The following SGCZ variants were observed in gnomAD, a reference collection of about 807,000 sequenced individuals.
SGCZ encodes sarcoglycan zeta, also known as zeta-sarcoglycan.
SGCZ carries 40 observed loss-of-function variants against 41.3 expected under a neutral mutation model. That is an observed-to-expected ratio of 0.97 (90% CI 0.75 to 1.26). SGCZ has a LOEUF of 1.26. Among genes scored for constraint, SGCZ ranks in the 50% most tolerant of loss-of-function variants. SGCZ has a pLI of 0.00. For synonymous variants in SGCZ, 206 were observed against 137.5 expected (o/e 1.50, Z -3.49); for missense variants, 552 against 369.8 (o/e 1.49, Z -4.04).
chr8:14,990,072 A>G (rs1485816469), intron 1 of SGCZ, among the ~76,000 whole-genome samples: 1 of 152,186 alleles, frequency 6.6e-6, no homozygotes, highest in East Asian at 1.9e-4. Flanking sequence ...TTACCCTCCC[A>G]GTGCTAACCC....
At chr8:14,522,558 C>G (rs925996145) in intron 2 of SGCZ, among the ~76,000 whole-genome samples, 2 of 151,714 alleles carry the variant, frequency 1.3e-5, no homozygotes, top group Non-Finnish European at 2.9e-5. Flanking sequence ...TCTGCAGAGC[C>G]CAGGGTGATA....
intron 2 of SGCZ, among the ~76,000 whole-genome samples, chr8:14,386,126 C>G (rs775739550): frequency 2.0e-5 from 3 of 151,596 alleles, no homozygotes; most frequent in Non-Finnish European, 4.4e-5. Context: ...ATGCAGAATC[C>G]ACAAATACAG....
At chr8:14,127,458 A>G (rs1802897169) in intron 5 of SGCZ, among the ~76,000 whole-genome samples, 2 of 151,730 alleles carry the variant, frequency 1.3e-5, no homozygotes, top group Non-Finnish European at 2.9e-5. Flanking sequence ...TTTTATTTCT[A>G]TTTATTTATT....
intron 1 of SGCZ, among the ~76,000 whole-genome samples, chr8:14,783,263 G>A (rs1282606829): frequency 1.3e-5 from 2 of 152,254 alleles, no homozygotes; most frequent in Admixed American, 6.5e-5. Flanking sequence ...GCGAAAGCCA[G>A]TATCTACTGA....
chr8:14,774,064 C>T (rs35582257), intron 1 of SGCZ, among the ~76,000 whole-genome samples: 53,309 of 151,888 alleles, frequency 0.35, 11,174 homozygotes, highest in East Asian at 0.5. Flanking sequence ...TGTTTTTGCA[C>T]GGGTGTTTTT....
intron 2 of SGCZ, among the ~76,000 whole-genome samples, chr8:14,453,248 G>A (rs1038778407): frequency 6.6e-6 from 1 of 152,050 alleles, no homozygotes; most frequent in Admixed American, 6.6e-5. Flanking sequence ...TTCATTGTGA[G>A]CAGCCTATGT....
At chr8:14,964,789 T>C (rs1801078872) in intron 1 of SGCZ, among the ~76,000 whole-genome samples, 1 of 152,138 alleles carries the variant, frequency 6.6e-6, no homozygotes, top group Non-Finnish European at 1.5e-5. Context: ...TTTCCCATAG[T>C]TCTGAATGAG....
At chr8:14,913,815 A>G (rs1284136026) in intron 1 of SGCZ, among the ~76,000 whole-genome samples, 1 of 152,084 alleles carries the variant, frequency 6.6e-6, no homozygotes, top group Non-Finnish European at 1.5e-5. Context: ...GGCAGCACAT[A>G]TTTCTTTAGT....
At chr8:14,612,209 C>T (rs1805952037) in intron 1 of SGCZ, among the ~76,000 whole-genome samples, 1 of 152,032 alleles carries the variant, frequency 6.6e-6, no homozygotes, top group South Asian at 2.1e-4. Flanking sequence ...ATTGTAATCC[C>T]CATGTGTTGA....
At chr8:14,844,441 C>T (rs1363831027) in intron 1 of SGCZ, among the ~76,000 whole-genome samples, 1 of 152,198 alleles carries the variant, frequency 6.6e-6, no homozygotes, top group African/African-American at 2.4e-5. Context: ...TGATTTCCAA[C>T]AGCATGTAAC....
rs542684859 is a variant in SGCZ, at chr8:14,111,255, T to C, written c.548-3020A>G. On this transcript the variant is annotated intron_variant, in intron 5 of 7. Transcript: ENST00000382080. ...AGGATATTTACAGGGGATATACTTATACTGAAAGCATATCTTGAGTAATCA... is the reference window on the plus strand; with the variant it reads ...AGGATATTTACAGGGGATATACTTACACTGAAAGCATATCTTGAGTAATCA... Among the ~76,000 whole-genome samples the C allele has an allele frequency of 4.1e-4, 63 of 152,318 alleles. 2 individuals carry two copies. The South Asian group carries it at 0.012, about 30-fold the overall frequency.
chr8:14,404,188 A>G (rs557699215), intron 2 of SGCZ, among the ~76,000 whole-genome samples: 3 of 152,344 alleles, frequency 2.0e-5, no homozygotes, highest in East Asian at 3.9e-4. Context: ...ACTAAGCTGT[A>G]ATTGTATCTA....
intron 1 of SGCZ, among the ~76,000 whole-genome samples, chr8:15,023,170 C>T (rs1313517383): frequency 1.3e-5 from 2 of 152,156 alleles, no homozygotes; most frequent in African/African-American, 2.4e-5. Flanking sequence ...GAAAATTGAA[C>T]ATGAAACAGA....
chr8:14,836,437 A>G (rs1025536496), intron 1 of SGCZ, among the ~76,000 whole-genome samples: 1 of 152,154 alleles, frequency 6.6e-6, no homozygotes, highest in Non-Finnish European at 1.5e-5. Flanking sequence ...TGTCCCATAC[A>G]ATAACCTGGT....
intron 2 of SGCZ, among the ~76,000 whole-genome samples, chr8:14,387,454 C>T (rs1804614850): frequency 6.6e-6 from 1 of 152,154 alleles, no homozygotes; most frequent in Non-Finnish European, 1.5e-5. Context: ...AAAAATATTA[C>T]TATATTCAGA....
chr8:14,990,099 G>T (rs993437217), intron 1 of SGCZ, among the ~76,000 whole-genome samples: 5 of 152,126 alleles, frequency 3.3e-5, no homozygotes, highest in African/African-American at 4.8e-5. Context: ...ATGGTCAAAC[G>T]TTGCCCTGCA....
rs78348213 is a variant in SGCZ, at chr8:14,231,038, A to G, written c.424+6554T>C. ...CTCAAATTATGTTGGAGTATATTGC[A>G]TGAATTAAAATGCTGAGGTTTTAAT... On this transcript the variant is annotated intron_variant, in intron 4 of 7. Transcript: ENST00000382080. Among the ~76,000 whole-genome samples, 457 of 152,224 alleles carry G rather than the reference A, an allele frequency of 3.0e-3. 3 individuals are homozygous for G. Among genetic ancestry groups the G allele is most frequent in the African/African-American group, 9.1e-3 (379 of 41,556 alleles).
At chr8:14,439,068 T>C (rs1800171184) in intron 2 of SGCZ, among the ~76,000 whole-genome samples, 1 of 151,978 alleles carries the variant, frequency 6.6e-6, no homozygotes, top group Non-Finnish European at 1.5e-5. Context: ...CCCTGCCTAG[T>C]GGCAATATTA....
chr8:14,969,423 C>G (rs903319099), intron 1 of SGCZ, among the ~76,000 whole-genome samples: 6 of 151,946 alleles, frequency 3.9e-5, no homozygotes, highest in Admixed American at 6.6e-5. Flanking sequence ...ATTTGGAAAG[C>G]TTCGACATAT....
Sources: allele counts gnomAD v4.1 joint callset (sites outside exome capture counted in the v4.1 genomes callset), GRCh38; gene constraint gnomAD v4.1.1; transcripts MANE v1.5; gene names NCBI Gene and HGNC (gene_info 2026-07-23, HGNC 2026-07-21).